ESRRG: variants seen among roughly 807,000 people sequenced by gnomAD.
ESRRG encodes the protein estrogen related receptor gamma.
In ESRRG, 13 loss-of-function variants were observed where a neutral mutation model predicts 44.0. The observed-to-expected ratio is 0.30, with a 90% confidence interval of 0.19 to 0.47. The LOEUF (loss-of-function observed/expected upper bound fraction) is 0.47, where lower values mean the gene tolerates loss of function less well. Among genes scored for constraint, ESRRG ranks in the 20% least tolerant of loss-of-function variants. ESRRG has a pLI of 1.00. For synonymous variants in ESRRG, 215 were observed against 214.6 expected, an observed-to-expected ratio of 1.00 and a Z score of -0.02; for missense variants, 395 against 580.6, an observed-to-expected ratio of 0.68 and a Z score of 3.29.
intron 2 of ESRRG, among the ~76,000 whole-genome samples, chr1:216,786,814 C>T (rs776897653): frequency 1.4e-4 from 22 of 152,054 alleles, no homozygotes; most frequent in African/African-American, 2.9e-4. Context: ...ATACAATAGA[C>T]GAAATACACA....
At chr1:217,130,357 T>C (rs576125969) in intron 1 of ESRRG, among the ~76,000 whole-genome samples, 1 of 152,294 alleles carries the variant, frequency 6.6e-6, no homozygotes, top group East Asian at 1.9e-4. Flanking sequence ...CTCAGCCTCC[T>C]GAGTAGCTCG....
chr1:216,895,374 A>AAGGC (rs1219383018), intron 2 of ESRRG, among the ~76,000 whole-genome samples: 1 of 152,178 alleles, frequency 6.6e-6, no homozygotes, highest in East Asian at 1.9e-4. Context: ...TTATTGATAG[A>AAGGC]AGGCACATCA....
intron 3 of ESRRG, among the ~76,000 whole-genome samples, chr1:216,579,376 T>C (rs1361318140): frequency 6.6e-6 from 1 of 152,136 alleles, no homozygotes; most frequent in African/African-American, 2.4e-5. Flanking sequence ...CATAGTTACA[T>C]GTCCATCTAA....
chr1:216,935,434 A>T (rs1170955132), intron 2 of ESRRG, among the ~76,000 whole-genome samples: 1 of 152,136 alleles, frequency 6.6e-6, no homozygotes, highest in African/African-American at 2.4e-5. Flanking sequence ...TATTATATTT[A>T]TAAGGGATAT....
chr1:216,900,380 G>A (rs1199249974), intron 2 of ESRRG, among the ~76,000 whole-genome samples: 1 of 152,200 alleles, frequency 6.6e-6, no homozygotes, highest in Non-Finnish European at 1.5e-5. Context: ...TTCCCCAGAA[G>A]CATGGAGGAA....
Position 216,519,429 on chromosome 1 carries a change from G to A in ESRRG, c.863-8C>T. The A allele has an allele frequency of 6.3e-7, 1 of 1,598,308 alleles. No homozygotes were observed. Among genetic ancestry groups the A allele is most frequent in the African/African-American group, 1.4e-5 (1 of 73,836 alleles). On this transcript the variant is annotated splice_region_variant and splice_polypyrimidine_tract_variant and intron_variant, in intron 5 of 6. Transcript: ENST00000408911. ...GGGACAGCGTGGAGAAGCCTGCATG[G>A]AAAGATGGGCAGATCAAGTTACTTT...
intron 1 of ESRRG, chr1:216,714,538 G>C (rs748269845): frequency 2.1e-6 from 2 of 967,946 alleles, no homozygotes; most frequent in Non-Finnish European, 2.5e-6. Flanking sequence ...AGACAAGATA[G>C]AAAGCAAGGC....
rs116134575 is a variant in ESRRG at position 216,825,350 on chromosome 1, G to A, written c.-14+114232C>T. On this transcript the variant is annotated intron_variant, in intron 2 of 7. Transcript: ENST00000359162. ...TTATACAGCTGAATATTGCTTAAAT[G>A]TCCTAATGAAAACAATACAATGTGG... Among the ~76,000 whole-genome samples, 611 of 152,294 alleles carry A rather than the reference G, an allele frequency of 4.0e-3. 3 individuals are homozygous for A. Among genetic ancestry groups the A allele is most frequent in the African/African-American group, 0.014 (590 of 41,568 alleles).
At chr1:216,600,306 C>A (rs1158266182) in intron 3 of ESRRG, among the ~76,000 whole-genome samples, 1 of 152,120 alleles carries the variant, frequency 6.6e-6, no homozygotes, top group Non-Finnish European at 1.5e-5. Flanking sequence ...GAATGTATAA[C>A]ACCAAGAGTG....
intron 2 of ESRRG, among the ~76,000 whole-genome samples, chr1:216,934,324 C>T (rs2063788859): frequency 6.6e-6 from 1 of 152,140 alleles, no homozygotes; most frequent in African/African-American, 2.4e-5. Context: ...ATACCACCTA[C>T]TTGGGAGGCT....
At chr1:216,519,073 A>G in intron 6 of ESRRG, 79 bp downstream of exon 6, 1 of 1,301,380 alleles carries the variant, frequency 7.7e-7, no homozygotes, top group Non-Finnish European at 1.1e-6. Flanking sequence ...AGGTCTAGCA[A>G]ATCCCTAAAG....
intron 2 of ESRRG, among the ~76,000 whole-genome samples, chr1:216,906,283 C>T (rs2059678161): frequency 6.6e-6 from 1 of 152,094 alleles, no homozygotes; most frequent in South Asian, 2.1e-4. Flanking sequence ...AAACTAAAAT[C>T]AATGTGCTGC....
At chr1:217,102,911 G>A (rs2092538407) in intron 1 of ESRRG, among the ~76,000 whole-genome samples, 1 of 152,174 alleles carries the variant, frequency 6.6e-6, no homozygotes, top group Admixed American at 6.5e-5. Context: ...AAGCTGAGAG[G>A]CTTATACAGT....
chr1:216,982,159 G>A (rs2576196), intron 1 of ESRRG, among the ~76,000 whole-genome samples: 29,883 of 152,028 alleles, frequency 0.2, 3,399 homozygotes, highest in East Asian at 0.44. Context: ...TTTACATCAA[G>A]TGTGTAACAG....
chr1:217,038,768 T>C lies in ESRRG; in HGVS notation c.-106+50739A>G, dbSNP rs2083347695. Among the ~76,000 whole-genome samples the C allele has an allele frequency of 2.6e-5, 4 of 152,232 alleles. No individual in the cohort carries two copies. The South Asian group carries it at 8.3e-4, about 31-fold the overall frequency. ...CATTGTCCTGGGGATTAACATTCAG[T>C]TCCTTGTTACTTATGCAAATTTCTA... On this transcript the variant is annotated intron_variant, in intron 1 of 7. Transcript: ENST00000359162.
intron 4 of ESRRG, among the ~76,000 whole-genome samples, chr1:216,567,663 T>C (rs531813901): frequency 1.3e-5 from 2 of 152,316 alleles, no homozygotes; most frequent in Admixed American, 6.5e-5. Flanking sequence ...ATCCATTTTA[T>C]GTACCTCTGC....
rs144550463 is a variant in ESRRG, at chr1:216,754,604, T to A, written c.-13-77113A>T. Reference sequence around the variant, plus strand: ...GCTGTGATGATTCACAGATAATCATTCAGCCGCCGGGCTCTATTTATATAT... The same window carrying A: ...GCTGTGATGATTCACAGATAATCATACAGCCGCCGGGCTCTATTTATATAT... On this transcript the variant is annotated intron_variant, in intron 2 of 7. Coordinates refer to the ESRRG transcript ENST00000359162. 4.4e-3 allele frequency among the ~76,000 whole-genome samples: 672 copies of A among 152,068 alleles called. 5 individuals are homozygous for A. The highest frequency in any genetic ancestry group is 0.015 in the African/African-American group (611 of 41,524).
intron 2 of ESRRG, among the ~76,000 whole-genome samples, chr1:216,747,526 C>G (rs2091539828): frequency 6.6e-6 from 1 of 152,174 alleles, no homozygotes; most frequent in South Asian, 2.1e-4. Context: ...TCTGATTTCT[C>G]TGGATATCCC....
intron 1 of ESRRG, among the ~76,000 whole-genome samples, chr1:217,058,057 G>A (rs1276290151): frequency 6.6e-6 from 1 of 152,074 alleles, no homozygotes; most frequent in Non-Finnish European, 1.5e-5. Flanking sequence ...TCAAGAAAAT[G>A]TCCTGAAGTA....
Sources: gnomAD v4.1 joint callset for allele counts (sites outside exome capture counted in the v4.1 genomes callset) on GRCh38, gnomAD v4.1.1 for gene constraint, MANE v1.5 for transcripts, NCBI Gene and HGNC (gene_info 2026-07-23, HGNC 2026-07-21) for gene names.